Variants in BUB1 observed in about 807,000 individuals in gnomAD.
BUB1 encodes the protein BUB1 mitotic checkpoint serine/threonine kinase, also known as mitotic checkpoint serine/threonine-protein kinase BUB1.
In BUB1, 84 loss-of-function variants were observed where a neutral mutation model predicts 135.2. That is an observed-to-expected ratio of 0.62 (90% CI 0.52 to 0.74). The LOEUF (loss-of-function observed/expected upper bound fraction) is 0.74. BUB1 is among the 30% of genes least tolerant of loss of function. BUB1 has a pLI of 0.00. For synonymous variants in BUB1, 403 were observed against 434.4 expected (o/e 0.93, Z 0.90); for missense variants, 1,162 against 1,288.3 (o/e 0.90, Z 1.50).
intron 19 of BUB1, among the ~76,000 whole-genome samples, chr2:110,645,203 G>A (rs1399573111): frequency 6.6e-6 from 1 of 152,070 alleles, no homozygotes; most frequent in Non-Finnish European, 1.5e-5. Context: ...GGAGGCCAAG[G>A]AAGGCGGATC....
chr2:110,672,205 C>A (rs980205993), intron 4 of BUB1, among the ~76,000 whole-genome samples: 1 of 151,500 alleles, frequency 6.6e-6, no homozygotes, highest in Non-Finnish European at 1.5e-5. Context: ...CCAGCCTGGG[C>A]GACAGAGTGA....
chr2:110,657,162 G>A, intron 14 of BUB1, 45 bp from the exon 15 acceptor site: 1 of 1,501,026 alleles, frequency 6.7e-7, no homozygotes, highest in South Asian at 1.2e-5. Flanking sequence ...ATATGCTAAG[G>A]AAATAAATGC....
chr2:110,644,094 GATAGA>G (rs1559164337), intron 19 of BUB1, among the ~76,000 whole-genome samples: 1 of 119,196 alleles, frequency 8.4e-6, no homozygotes, highest in African/African-American at 3.6e-5. Context: ...GAAAGAAATA[GATAGA>G]ATAGAGTATT....
At position 110,655,836 on chromosome 2, in the gene BUB1, A is replaced by T. The variant is rs763626154; in HGVS notation, c.1779T>A (p.Ser593Arg). 4 of 1,614,032 alleles carry T rather than the reference A, an allele frequency of 2.5e-6. No individual in the cohort carries two copies. In the East Asian group the frequency reaches 8.9e-5, roughly 36 times the overall value. Residue 593 changes from serine to arginine, a missense_variant, in exon 16 of 25, where the codon AGT (serine) becomes AGA (arginine). Ser to Arg is a moderately radical substitution (Grantham distance 110, BLOSUM62 -1). Transcript: ENST00000302759. ...ATGTGAAGTCTCCTGGGCTCTTAGG[A>T]CTGGGTGCCAGGGTTTTGTTGCAGC... Reference protein sequence around the residue: ...GIRCNKTLAPSPKSPGDFTSA... With the variant: ...GIRCNKTLAPRPKSPGDFTSA...
chr2:110,669,497 T>C lies in BUB1; in HGVS notation c.523A>G (p.Lys175Glu). 1 of 1,609,308 alleles carries C rather than the reference T, an allele frequency of 6.2e-7. No individual in the cohort carries two copies. The highest frequency in any genetic ancestry group is 8.5e-7 in the Non-Finnish European group (1 of 1,175,652). The part of the protein sequence containing the change: ...VQVLNQMITS[K>E]SNPGNNMACI... ...GCCATGTTATTTCCTGGATTTGATT[T>C]TGATGTTATCATTTGATTTAAAACC... The change falls in exon 6 of 25, where the codon AAA (lysine) becomes GAA (glutamate). Residue 175 changes from lysine to glutamate, a missense_variant. By Grantham distance (56) the Lys-to-Glu change is moderately conservative. Coordinates refer to ENST00000302759, the MANE Select transcript of BUB1 (RefSeq NM_004336.5).
At chr2:110,661,310 T>C in intron 10 of BUB1, 1 of 412,454 alleles carries the variant, frequency 2.4e-6, no homozygotes, top group South Asian at 3.4e-5. Context: ...TGTATATTCT[T>C]CAGTTACAAA....
At chr2:110,645,268 CA>C (rs959839157) in intron 19 of BUB1, among the ~76,000 whole-genome samples, 18 of 150,950 alleles carry the variant, frequency 1.2e-4, no homozygotes, top group Middle Eastern at 3.4e-3. Context: ...ACCCTGTCTC[CA>C]AAAAAAATAC....
At chr2:110,677,692 G>A (rs1331009059) in intron 1 of BUB1, among the ~76,000 whole-genome samples, 2 of 152,208 alleles carry the variant, frequency 1.3e-5, no homozygotes, top group African/African-American at 2.4e-5. Context: ...TCCTTACAAA[G>A]AATAAACGAG....
At position 110,642,136 on chromosome 2, in the gene BUB1, G is replaced by A. The variant is rs781312045; in HGVS notation, c.2446C>T (p.Gln816Ter). The change falls in exon 20 of 25, where the codon CAG (glutamine) becomes TAG (stop). Residue 816 changes from glutamine to a stop codon, truncating the protein, a stop_gained. Transcript: ENST00000302759. LOFTEE classifies it high-confidence loss of function. ...QGDLNDAKNK[Q>*]KFVLKVQKPA... The stretch of plus-strand genomic sequence containing the variant: ...TCATTTACCTTTAAAACAAATTTCT[G>A]TTTATTTTTAGCATCATTCAGATCT... 3 of 1,608,146 alleles carry A rather than the reference G, an allele frequency of 1.9e-6. No individual in the cohort carries two copies. Among genetic ancestry groups the A allele is most frequent in the Non-Finnish European group, 2.5e-6 (3 of 1,177,192 alleles).
In BUB1 at chr2:110,672,876, A is replaced by G. The variant is rs1316914256; in HGVS notation, c.226-19T>C. 6.4e-7 allele frequency: 1 copy of G among 1,554,094 alleles called. No individual in the cohort carries two copies. Among genetic ancestry groups the G allele is most frequent in the African/African-American group, 1.4e-5 (1 of 72,870 alleles). On this transcript the variant is annotated intron_variant, in intron 3 of 24. Coordinates refer to ENST00000302759, the MANE Select transcript of BUB1 (RefSeq NM_004336.5). ...ACTCAGCCTACACGAACCCAAAACA[A>G]AAAGACATAAGAATAATGGAACTGC...
At chr2:110,653,627 A>G (rs1307349416) in intron 16 of BUB1, 104 bp from the exon 17 acceptor site, 2 of 886,456 alleles carry the variant, frequency 2.3e-6, no homozygotes, top group Admixed American at 2.3e-5. Context: ...TTTGACACTG[A>G]CTTGCATTAT....
Position 110,637,754 on chromosome 2 carries a change from C to A in BUB1, c.*210G>T. The A allele has an allele frequency of 2.6e-6, 1 of 382,302 alleles. No homozygotes were observed. The highest frequency in any genetic ancestry group is 4.6e-6 in the Non-Finnish European group (1 of 217,776). The allele number at this position is 382,302 out of a possible 1,614,324, so 23.7% of individuals were successfully genotyped here. On this transcript the variant is annotated 3_prime_UTR_variant, in exon 25 of 25. Transcript: ENST00000302759. ...ATTATTCTCACAAATGCTTGCATCC[C>A]AGAAGCAGCCCAATCAGCCTGCTAT...
At chr2:110,665,774 A>G (rs72828826) in intron 9 of BUB1, among the ~76,000 whole-genome samples, 10,975 of 152,230 alleles carry the variant, frequency 0.072, 633 homozygotes, top group African/African-American at 0.14. Flanking sequence ...TCATAGACAA[A>G]CATATAATAT....
rs762564524 is a variant in BUB1, at chr2:110,670,533, G to A, written c.458C>T (p.Pro153Leu). The A allele has an allele frequency of 6.2e-7, 1 of 1,614,032 alleles. No homozygotes were observed. The highest frequency in any genetic ancestry group is 1.1e-5 in the South Asian group (1 of 91,078). The change falls in exon 5 of 25, where the codon CCA becomes CTA. Residue 153 changes from proline to leucine, a missense_variant. Pro to Leu is a moderately conservative substitution (Grantham distance 98). Transcript: ENST00000302759. ...AGAAAGCCTGATTTTACCTTGAGCT[G>A]GCAAATGGGTTTCAGTGAGGCGTGT... is the stretch of plus-strand genomic sequence containing the variant. ...FQTRLTETHL[P>L]AQARTSEPLH...
At chr2:110,670,654 CTTA>C in intron 4 of BUB1, 86 bp from the exon 5 acceptor site, 1 of 1,360,254 alleles carries the variant, frequency 7.4e-7, no homozygotes, top group Non-Finnish European at 1.0e-6. Flanking sequence ...CCATAGACAA[CTTA>C]TTATAAGCTA....
Position 110,655,716 on chromosome 2 carries a change from C to T in BUB1, c.1876+23G>A, listed in dbSNP as rs760878808. ...AGAATCAAAGTTGGCAGAAGACAGA[C>T]ACTAAAACAGTGTAACACACACCTT... On this transcript the variant is annotated intron_variant, in intron 16 of 24. Transcript: ENST00000302759. 2.1e-5 allele frequency: 33 copies of T among 1,559,254 alleles called. No homozygotes were observed. In the South Asian group the frequency reaches 3.6e-4, roughly 17 times the overall value.
intron 8 of BUB1, 105 bp from the exon 9 acceptor site, chr2:110,666,519 T>G (rs1291670678): frequency 4.7e-6 from 4 of 857,300 alleles, no homozygotes; most frequent in African/African-American, 3.5e-5. Flanking sequence ...GCCGATTTTT[T>G]TATTAGTCTT....
At chr2:110,642,387 C>A in intron 19 of BUB1, 153 bp from the exon 20 acceptor site, 1 of 488,086 alleles carries the variant, frequency 2.0e-6, no homozygotes, top group Non-Finnish European at 3.7e-6. Flanking sequence ...GTATATTTGT[C>A]ACAAATAATC....
chr2:110,640,341 C>T (rs1450640592), intron 23 of BUB1, among the ~76,000 whole-genome samples: 3 of 152,122 alleles, frequency 2.0e-5, no homozygotes, highest in East Asian at 1.9e-4. Context: ...GACCCCTCCC[C>T]ACCCCCACCA....
Sources: gnomAD v4.1 joint callset for allele counts (sites outside exome capture counted in the v4.1 genomes callset) on GRCh38, gnomAD v4.1.1 for gene constraint, MANE v1.5 for transcripts, NCBI Gene and HGNC (gene_info 2026-07-23, HGNC 2026-07-21) for gene names.